DENND1B: variants seen among roughly 807,000 people sequenced by gnomAD.
The protein encoded by DENND1B is DENN domain-containing protein 1B.
Under a neutral mutation model 90.1 loss-of-function variants are expected in DENND1B, and 59 were observed. The ratio of observed to expected loss-of-function variants is 0.65; its 90% confidence interval spans 0.53 to 0.81. DENND1B has a LOEUF of 0.81. Ranked by LOEUF, DENND1B falls within the 40% of genes least tolerant of loss-of-function variation. The pLI, the probability that DENND1B is intolerant of heterozygous loss-of-function variation, is 0.00. For missense variants in DENND1B, 862 were observed against 912.6 expected, an observed-to-expected ratio of 0.94 and a Z score of 0.71; for synonymous variants, 337 against 324.6, an observed-to-expected ratio of 1.04 and a Z score of -0.41.
chr1:197,743,926 T>C (rs1290064901), intron 2 of DENND1B, among the ~76,000 whole-genome samples: 1 of 152,222 alleles, frequency 6.6e-6, no homozygotes, highest in Admixed American at 6.5e-5. Context: ...CAGAGCATCT[T>C]CACCAGTAGA....
chr1:197,703,926 A>G (rs1659277435), intron 3 of DENND1B, among the ~76,000 whole-genome samples: 1 of 152,100 alleles, frequency 6.6e-6, no homozygotes, highest in South Asian at 2.1e-4. Flanking sequence ...TCTCTTCTTT[A>G]GTTTTCTCCA....
Position 197,775,182 on chromosome 1 carries a change from G to A in DENND1B, c.-27C>T, listed in dbSNP as rs1352143546. On this transcript the variant is annotated 5_prime_UTR_variant, in exon 1 of 23. In the 5' UTR this introduces an upstream ATG that the reference lacks. Coordinates refer to ENST00000620048, the MANE Select transcript of DENND1B (RefSeq NM_001195215.2). ...GTTACATGTCGGTGTGGGGCTGTCC[G>A]TCCGGCCCCCGCGCGCTGGCCTGGA... The A allele has an allele frequency of 7.9e-7, 1 of 1,272,712 alleles. No individual in the cohort carries two copies. Among genetic ancestry groups the A allele is most frequent in the South Asian group, 3.2e-5 (1 of 31,534 alleles). The allele number at this position is 1,272,712 out of a possible 1,614,324, so 78.8% of individuals were successfully genotyped here. A position where few individuals can be genotyped will look rare whatever the true frequency, so the allele number is the denominator to read the frequency against.
At chr1:197,643,909 A>G (rs1448373992) in intron 9 of DENND1B, among the ~76,000 whole-genome samples, 1 of 152,240 alleles carries the variant, frequency 6.6e-6, no homozygotes, top group Non-Finnish European at 1.5e-5. Flanking sequence ...ATTCAACAAG[A>G]TATAACAAAC....
intron 7 of DENND1B, 143 bp downstream of exon 7, chr1:197,652,092 C>A (rs1290331623): frequency 6.3e-6 from 4 of 630,514 alleles, no homozygotes; most frequent in Middle Eastern, 2.5e-4. Flanking sequence ...ACAATATTAT[C>A]ACCTTGTTAT....
intron 2 of DENND1B, among the ~76,000 whole-genome samples, chr1:197,727,961 T>C (rs556886507): frequency 1.3e-5 from 2 of 152,192 alleles, no homozygotes; most frequent in African/African-American, 4.8e-5. Context: ...CTCTTTTCTC[T>C]CTTGTTGAAG....
chr1:197,698,319 G>A (rs927305564), intron 3 of DENND1B, among the ~76,000 whole-genome samples: 4 of 151,890 alleles, frequency 2.6e-5, no homozygotes, highest in Admixed American at 1.3e-4. Context: ...ATGACTCCTG[G>A]GTACATAATG....
intron 2 of DENND1B, among the ~76,000 whole-genome samples, chr1:197,736,756 G>A (rs992522479): frequency 1.3e-5 from 2 of 152,158 alleles, no homozygotes; most frequent in African/African-American, 4.8e-5. Context: ...CTGCATTCCT[G>A]TTGTACTGGA....
chr1:197,737,977 G>C (rs1191854622), intron 2 of DENND1B, among the ~76,000 whole-genome samples: 3 of 151,250 alleles, frequency 2.0e-5, no homozygotes, highest in Non-Finnish European at 4.4e-5. Flanking sequence ...ATCTGACCTG[G>C]AAGCAGATAA....
At chr1:197,541,819 A>G (rs948946628) in intron 18 of DENND1B, among the ~76,000 whole-genome samples, 8 of 152,200 alleles carry the variant, frequency 5.3e-5, no homozygotes, top group Non-Finnish European at 1.0e-4. Flanking sequence ...TAGTACTACT[A>G]TGATCACATT....
At chr1:197,669,854 T>C (rs1393428725) in intron 5 of DENND1B, among the ~76,000 whole-genome samples, 1 of 152,150 alleles carries the variant, frequency 6.6e-6, no homozygotes, top group Non-Finnish European at 1.5e-5. Context: ...TGAAATGTTC[T>C]CTTTATTGGA....
upstream of DENND1B, among the ~76,000 whole-genome samples, chr1:197,779,029 T>C (rs2102536193): frequency 6.6e-6 from 1 of 152,332 alleles, no homozygotes; most frequent in East Asian, 1.9e-4. Flanking sequence ...TGTTGTTTTA[T>C]ACAGTCCATG....
chr1:197,507,494 G>C lies in DENND1B; in HGVS notation c.*2966C>G, dbSNP rs960074496. The stretch of plus-strand genomic sequence containing the variant: ...TCCAATATTATTTCTCTATACCCCT[G>C]AAATACCACGGATGCAATATCTAAG... On this transcript the variant is annotated 3_prime_UTR_variant, in exon 23 of 23. Coordinates refer to ENST00000620048, the MANE Select transcript of DENND1B (RefSeq NM_001195215.2). 6.6e-6 allele frequency: 1 copy of C among 151,196 alleles called. No homozygotes were observed. The highest frequency in any genetic ancestry group is 2.4e-5 in the African/African-American group (1 of 41,260). The allele number at this position is 151,196 out of a possible 1,614,324, so 9.4% of individuals were successfully genotyped here.
At chr1:197,535,333 G>A (rs1175018971) in intron 20 of DENND1B, among the ~76,000 whole-genome samples, 4 of 152,030 alleles carry the variant, frequency 2.6e-5, no homozygotes, top group Admixed American at 6.5e-5. Context: ...CCTTACCCAC[G>A]GGGGATATGT....
chr1:197,513,047 A>G lies in DENND1B; in HGVS notation c.1516-94T>C, dbSNP rs1417146613. 4 of 1,001,680 alleles carry G rather than the reference A, an allele frequency of 4.0e-6. No individual in the cohort carries two copies. In the South Asian group the frequency reaches 5.0e-5, roughly 12 times the overall value. 62.0% of individuals were successfully genotyped at this position (1,001,680 alleles called of 1,614,324 possible). A position where few individuals can be genotyped will look rare whatever the true frequency, so the allele number is the denominator to read the frequency against. Reference sequence around the variant, plus strand: ...GCAACAATGTGATTTCATAAGAAACACTTTTGCAAGAAATATGCATTCAGG... The same window carrying G: ...GCAACAATGTGATTTCATAAGAAACGCTTTTGCAAGAAATATGCATTCAGG... On this transcript the variant is annotated intron_variant, in intron 20 of 22. Coordinates refer to ENST00000620048, the MANE Select transcript of DENND1B (RefSeq NM_001195215.2).
At chr1:197,719,117 G>A (rs779629329) in intron 2 of DENND1B, among the ~76,000 whole-genome samples, 17 of 152,050 alleles carry the variant, frequency 1.1e-4, no homozygotes, top group Admixed American at 2.0e-4. Context: ...GGAAGGAGGT[G>A]GCCGATTTAA....
chr1:197,637,685 T>C (rs1366843472), intron 10 of DENND1B, among the ~76,000 whole-genome samples: 1 of 152,170 alleles, frequency 6.6e-6, no homozygotes, highest in African/African-American at 2.4e-5. Flanking sequence ...AATGATAAAC[T>C]GGTAAGTAGA....
At chr1:197,651,119 A>C (rs1023812172) in intron 7 of DENND1B, among the ~76,000 whole-genome samples, 3 of 152,096 alleles carry the variant, frequency 2.0e-5, no homozygotes, top group African/African-American at 7.2e-5. Flanking sequence ...CAAAAGACTT[A>C]TATATACTTT....
At chr1:197,735,319 G>A in intron 2 of DENND1B, 1 of 1,260,002 alleles carries the variant, frequency 7.9e-7, no homozygotes, top group Non-Finnish European at 1.0e-6. Context: ...TGCTTCAAGT[G>A]GTTTTATTTC....
chr1:197,520,504 A>G (rs540294414), intron 20 of DENND1B, among the ~76,000 whole-genome samples: 4 of 152,108 alleles, frequency 2.6e-5, no homozygotes, highest in South Asian at 4.1e-4. Context: ...AGCTAATAAT[A>G]TAACTGTAAC....
Sources: allele counts gnomAD v4.1 joint callset (sites outside exome capture counted in the v4.1 genomes callset), GRCh38; gene constraint gnomAD v4.1.1; transcripts MANE v1.5; gene names NCBI Gene and HGNC (gene_info 2026-07-23, HGNC 2026-07-21).